RICTOR: variants seen among roughly 807,000 people sequenced by gnomAD.
The protein encoded by RICTOR is rapamycin-insensitive companion of mTOR.
In RICTOR, 49 loss-of-function variants were observed where a neutral mutation model predicts 214.9. The ratio of observed to expected loss-of-function variants is 0.23; its 90% CI spans 0.18 to 0.29. The LOEUF is 0.29. Among genes scored for constraint, RICTOR ranks in the 10% least tolerant of loss-of-function variants. The pLI is 1.00. For synonymous variants in RICTOR, 717 were observed against 711.3 expected, an observed-to-expected ratio of 1.01 and a Z score of -0.13; for missense variants, 1,625 against 2,047.0, an observed-to-expected ratio of 0.79 and a Z score of 3.98.
intron 30 of RICTOR, among the ~76,000 whole-genome samples, chr5:38,951,226 T>C (rs768994734): frequency 6.6e-6 from 1 of 151,996 alleles, no homozygotes; most frequent in Non-Finnish European, 1.5e-5. Context: ...CATTTTACCT[T>C]AGATACTAAG....
intron 3 of RICTOR, among the ~76,000 whole-genome samples, chr5:39,008,824 A>C (rs1405508152): frequency 1.3e-5 from 2 of 152,016 alleles, no homozygotes; most frequent in African/African-American, 2.4e-5. Flanking sequence ...ATTTCAGAAT[A>C]CTAGCATTAT....
At chr5:39,037,776 T>C (rs927796819) in intron 2 of RICTOR, among the ~76,000 whole-genome samples, 5 of 152,142 alleles carry the variant, frequency 3.3e-5, no homozygotes, top group African/African-American at 1.2e-4. Context: ...AGGAAGAAGT[T>C]GAATCCCTGA....
intron 37 of RICTOR, among the ~76,000 whole-genome samples, 197 bp from the exon 38 acceptor site, chr5:38,942,575 C>T (rs1747693437): frequency 6.7e-6 from 1 of 150,106 alleles, no homozygotes; most frequent in Non-Finnish European, 1.5e-5. Flanking sequence ...CTCAGCCTCC[C>T]AAGTAGCTGG....
At chr5:39,026,725 T>C (rs1354489694) in intron 2 of RICTOR, among the ~76,000 whole-genome samples, 1 of 151,480 alleles carries the variant, frequency 6.6e-6, no homozygotes, top group Non-Finnish European at 1.5e-5. Flanking sequence ...ATTTAATGGA[T>C]GGCCAGGTGC....
intron 2 of RICTOR, among the ~76,000 whole-genome samples, chr5:39,023,507 C>G (rs80347570): frequency 6.6e-5 from 10 of 152,142 alleles, no homozygotes; most frequent in Non-Finnish European, 1.3e-4. Context: ...TTGCCACCTC[C>G]GGAATAGAGT....
chr5:39,049,067 G>T (rs1160942271), intron 2 of RICTOR, among the ~76,000 whole-genome samples: 2 of 152,010 alleles, frequency 1.3e-5, no homozygotes, highest in Non-Finnish European at 2.9e-5. Flanking sequence ...GCATGGTTAA[G>T]GGAAAAAAAC....
chr5:39,021,775 G>C lies in RICTOR; in HGVS notation c.98-639C>G, dbSNP rs569654614. Among the ~76,000 whole-genome samples the C allele has an allele frequency of 2.0e-5, 3 of 152,162 alleles. No homozygotes were observed. In the East Asian group the frequency reaches 5.8e-4, roughly 29 times the overall value. Reference sequence around the variant, plus strand: ...AATCTCTGTATTTTATAAATCTCCAGTCTCAGATACTGTGTTACAGCAGCA... The same window carrying C: ...AATCTCTGTATTTTATAAATCTCCACTCTCAGATACTGTGTTACAGCAGCA... On this transcript the variant is annotated intron_variant, in intron 2 of 37. Coordinates refer to ENST00000357387, the MANE Select transcript of RICTOR (RefSeq NM_152756.5).
intron 4 of RICTOR, among the ~76,000 whole-genome samples, chr5:39,003,144 C>T (rs1445904616): frequency 2.6e-5 from 4 of 152,026 alleles, no homozygotes; most frequent in Non-Finnish European, 4.4e-5. Flanking sequence ...CTAAGAGTAC[C>T]TAAAAGATAG....
chr5:39,035,859 C>T (rs919911656), intron 2 of RICTOR, among the ~76,000 whole-genome samples: 37 of 152,260 alleles, frequency 2.4e-4, no homozygotes, highest in African/African-American at 7.2e-4. Flanking sequence ...CTGAAAGTGA[C>T]GGGGAGAATG....
intron 6 of RICTOR, among the ~76,000 whole-genome samples, chr5:38,994,006 C>T (rs1021287451): frequency 1.8e-4 from 27 of 152,032 alleles, no homozygotes; most frequent in Non-Finnish European, 3.7e-4. Context: ...CACGGTGAAA[C>T]CGCGTCTCTA....
intron 1 of RICTOR, 77 bp downstream of exon 1, chr5:39,074,252 A>G (rs1759551906): frequency 6.4e-7 from 1 of 1,573,184 alleles, no homozygotes; most frequent in Admixed American, 1.8e-5. Context: ...TCGCTCCCCA[A>G]CCCAGGGCCA....
chr5:38,995,712 A>G (rs1014386888), intron 6 of RICTOR, among the ~76,000 whole-genome samples: 4 of 152,150 alleles, frequency 2.6e-5, no homozygotes, highest in Non-Finnish European at 5.9e-5. Flanking sequence ...AAATTGTTCT[A>G]GGTTCTTCAG....
chr5:38,938,634 T>C lies in RICTOR; in HGVS notation c.*3670A>G, dbSNP rs139177258. 2.3e-3 allele frequency: 525 copies of C among 232,730 alleles called. 6 individuals carry two copies. Among genetic ancestry groups the C allele is most frequent in the African/African-American group, 0.011 (499 of 45,428 alleles). 14.4% of individuals were successfully genotyped at this position (232,730 alleles called of 1,614,324 possible). Reference sequence around the variant, plus strand: ...CATTCTGTGAGTCATATAAACCTACTAGGAATGAAAAATACCCTGGAACTT... The same window carrying C: ...CATTCTGTGAGTCATATAAACCTACCAGGAATGAAAAATACCCTGGAACTT... On this transcript the variant is annotated 3_prime_UTR_variant, in exon 38 of 38. Coordinates refer to ENST00000357387, the MANE Select transcript of RICTOR (RefSeq NM_152756.5).
chr5:38,959,606 G>T (rs913315652), intron 21 of RICTOR, among the ~76,000 whole-genome samples, 173 bp downstream of exon 21: 19 of 152,050 alleles, frequency 1.2e-4, no homozygotes, highest in Admixed American at 1.2e-3. Context: ...AAGCTTTTTG[G>T]AAAGAAAGCA....
chr5:38,944,190 AT>A (rs1213007798), intron 36 of RICTOR: 2 of 552,928 alleles, frequency 3.6e-6, no homozygotes, highest in Non-Finnish European at 6.8e-6. Context: ...ATTATTTTAC[AT>A]TTTTTGCAGA....
Position 38,938,052 on chromosome 5 carries a change from A to C in RICTOR, c.*4252T>G, listed in dbSNP as rs1161370983. 1 of 204,176 alleles carries C rather than the reference A, an allele frequency of 4.9e-6. No individual in the cohort carries two copies. Among genetic ancestry groups the C allele is most frequent in the Non-Finnish European group, 1.0e-5 (1 of 99,582 alleles). 12.6% of individuals were successfully genotyped at this position (204,176 alleles called of 1,614,324 possible). A position where few individuals can be genotyped will look rare whatever the true frequency, so the allele number is the denominator to read the frequency against. ...AAGAAAATCACAACAAAAAAAATCA[A>C]GGTGAGCAAAACCATTTGGGGACAA... On this transcript the variant is annotated 3_prime_UTR_variant, in exon 38 of 38. Transcript: ENST00000357387.
intron 37 of RICTOR, 52 bp from the exon 38 acceptor site, chr5:38,942,430 A>G: frequency 9.7e-7 from 1 of 1,027,504 alleles, no homozygotes; most frequent in Non-Finnish European, 1.4e-6. Flanking sequence ...CAGATGATAT[A>G]ACATATTTAT....
chr5:38,965,229 C>T (rs949344704), intron 15 of RICTOR, among the ~76,000 whole-genome samples: 7 of 151,872 alleles, frequency 4.6e-5, no homozygotes, highest in African/African-American at 1.7e-4. Flanking sequence ...AGGAATCAAC[C>T]TAAGTTATGT....
Position 38,981,990 on chromosome 5 carries a change from G to T in RICTOR, c.630C>A (p.Thr210=). ...EVVALRGGLN[T]ILKNVIDCQL... ...GGCAATCGATCACATTTTTCAAGAT[G>T]GTGTTTAGTCCACCTCGAAGGGCCA... The change falls in exon 8 of 38, where the codon ACC becomes ACA. Residue 210 remains threonine (T), a synonymous_variant. Coordinates refer to ENST00000357387, the MANE Select transcript of RICTOR (RefSeq NM_152756.5). The T allele has an allele frequency of 6.2e-7, 1 of 1,613,026 alleles. No homozygotes were observed. Among genetic ancestry groups the T allele is most frequent in the South Asian group, 1.1e-5 (1 of 91,044 alleles).
Sources: allele counts gnomAD v4.1 joint callset (sites outside exome capture counted in the v4.1 genomes callset), GRCh38; gene constraint gnomAD v4.1.1; transcripts MANE v1.5; gene names NCBI Gene and HGNC (gene_info 2026-07-23, HGNC 2026-07-21).